The following CCDC27 variants were observed in gnomAD, a reference collection of about 807,000 sequenced individuals.
CCDC27 encodes coiled-coil domain containing 27, also known as coiled-coil domain-containing protein 27.
In CCDC27, 80 loss-of-function variants were observed where a neutral mutation model predicts 80.3. That is an observed-to-expected ratio of 1.00 (90% CI 0.83 to 1.20). The LOEUF (loss-of-function observed/expected upper bound fraction) is 1.20. Ranked by LOEUF, CCDC27 falls within the 50% of genes most tolerant of loss-of-function variation. CCDC27 has a pLI of 0.00. For missense variants in CCDC27, 815 were observed against 809.4 expected, an observed-to-expected ratio of 1.01 and a Z score of -0.08; for synonymous variants, 342 against 334.3, an observed-to-expected ratio of 1.02 and a Z score of -0.25.
At chr1:3,756,349 A>G (rs1353499657) in intron 3 of CCDC27, 2 of 159,724 alleles carry the variant, frequency 1.3e-5, no homozygotes, top group Non-Finnish European at 2.7e-5. Context: ...CAAAAAGAAA[A>G]AAAAAAAAAG....
intron 3 of CCDC27, chr1:3,755,783 C>T (rs1475585413): frequency 3.6e-6 from 2 of 549,366 alleles, no homozygotes; most frequent in Non-Finnish European, 3.3e-6. Flanking sequence ...ACCGTGGCCC[C>T]TTGTCTTTAG....
chr1:3,762,925 C>G (rs968840829), intron 6 of CCDC27, 183 bp from the exon 7 acceptor site: 1 of 840,792 alleles, frequency 1.2e-6, no homozygotes, highest in African/African-American at 1.7e-5. Flanking sequence ...GGACCCGTGA[C>G]AGAGGCCACA....
At chr1:3,759,832 C>T (rs1219110636) in intron 4 of CCDC27, among the ~76,000 whole-genome samples, 1 of 152,198 alleles carries the variant, frequency 6.6e-6, no homozygotes, top group Non-Finnish European at 1.5e-5. Context: ...ATAGGCTGAG[C>T]ATATCATTAG....
rs1276615842 is a variant in CCDC27, at chr1:3,762,596, G to C, written c.862-24G>C. On this transcript the variant is annotated intron_variant, in intron 5 of 11. Transcript: ENST00000294600. Reference sequence around the variant, plus strand: ...GTGCTGCAGGAGGGGCTGGAAAGCTGAGGGTCCCACGGGCGTCTTGCAGGA... The same window carrying C: ...GTGCTGCAGGAGGGGCTGGAAAGCTCAGGGTCCCACGGGCGTCTTGCAGGA... 3.2e-6 allele frequency: 5 copies of C among 1,547,368 alleles called. No homozygotes were observed. The Admixed American group carries it at 9.8e-5, about 30-fold the overall frequency.
In CCDC27 at chr1:3,752,557, T is replaced by C. The variant is rs1642846109; in HGVS notation, c.76T>C (p.Ser26Pro). 1 of 1,614,044 alleles carries C rather than the reference T, an allele frequency of 6.2e-7. No individual in the cohort carries two copies. The highest frequency in any genetic ancestry group is 8.5e-7 in the Non-Finnish European group (1 of 1,180,052). Residue 26 changes from serine to proline, a missense_variant, in exon 1 of 12, where the codon TCA becomes CCA. Ser to Pro is a moderately conservative substitution (Grantham distance 74). Transcript: ENST00000294600. ...TCCACGGGAAAAGCCGGGCCTGTCCTCATTCAGGTCCACATTCAGGCAACA... is the reference window on the plus strand; with the variant it reads ...TCCACGGGAAAAGCCGGGCCTGTCCCCATTCAGGTCCACATTCAGGCAACA... ...RDPREKPGLS[S>P]FRSTFRQQSS...
Position 3,768,182 on chromosome 1 carries a change from C to T in CCDC27, c.1743+737C>T, listed in dbSNP as rs942952603. 3.3e-5 allele frequency among the ~76,000 whole-genome samples: 5 copies of T among 150,568 alleles called. No homozygotes were observed. The highest frequency in any genetic ancestry group is 3.9e-4 in the East Asian group (2 of 5,068). ...TGATAACAGCTCACTGCAGCCTTGG[C>T]CTCCCAGGCTCAAGCTGTCGTCATC... is the stretch of plus-strand genomic sequence containing the variant. On this transcript the variant is annotated intron_variant, in intron 10 of 11. Transcript: ENST00000294600. This position sits in a 1 kb window ranked among gnomAD's most constrained non-coding sequence, Gnocchi z 5.6.
chr1:3,762,860 T>G (rs1643120842), intron 6 of CCDC27, 148 bp downstream of exon 6: 1 of 839,646 alleles, frequency 1.2e-6, no homozygotes, highest in African/African-American at 1.7e-5. Flanking sequence ...GTGAGGTGGG[T>G]GGGTCGTTAG....
At chr1:3,754,912 G>A (rs1439930046) in intron 2 of CCDC27, among the ~76,000 whole-genome samples, 1 of 152,174 alleles carries the variant, frequency 6.6e-6, no homozygotes, top group East Asian at 1.9e-4. Context: ...TAGAAGCAGG[G>A]CCCTCACCTT....
chr1:3,758,298 C>T (rs1018659212), intron 4 of CCDC27, among the ~76,000 whole-genome samples: 12 of 151,168 alleles, frequency 7.9e-5, no homozygotes, highest in Admixed American at 1.3e-4. Context: ...AAGCAATTCT[C>T]CTGCCTCAGC....
Position 3,752,676 on chromosome 1 carries a change from G to A in CCDC27, c.195G>A (p.Arg65=). ...RHSSMSSSMA[R]ALVLLQSMAS... Reference sequence around the variant, plus strand: ...GTTCGATGTCCAGCTCGATGGCCAGGGCCCTGGTGCTCCTCCAGAGCATGG... The same window carrying A: ...GTTCGATGTCCAGCTCGATGGCCAGAGCCCTGGTGCTCCTCCAGAGCATGG... Residue 65 remains arginine, a synonymous_variant, in exon 1 of 12, where the codon AGG becomes AGA. Coordinates refer to ENST00000294600, the MANE Select transcript of CCDC27 (RefSeq NM_152492.3). 6.2e-7 allele frequency: 1 copy of A among 1,614,002 alleles called. No homozygotes were observed. Among genetic ancestry groups the A allele is most frequent in the Non-Finnish European group, 8.5e-7 (1 of 1,180,014 alleles).
At chr1:3,756,938 C>T (rs201968265) in intron 4 of CCDC27, 48 bp downstream of exon 4, 15 of 1,573,510 alleles carry the variant, frequency 9.5e-6, no homozygotes, top group East Asian at 9.1e-5. Flanking sequence ...CCTCTCTCTG[C>T]GTCCGGCTGG....
rs1643058136 is a variant in CCDC27 at position 3,760,389 on chromosome 1, C to CT, written c.712-889dup. Among the ~76,000 whole-genome samples, 1 of 152,134 alleles carries CT rather than the reference C, an allele frequency of 6.6e-6. No individual in the cohort carries two copies. Among genetic ancestry groups the CT allele is most frequent in the South Asian group, 2.1e-4 (1 of 4,828 alleles). On this transcript the variant is annotated intron_variant, in intron 4 of 11. Coordinates refer to ENST00000294600, the MANE Select transcript of CCDC27 (RefSeq NM_152492.3). This position sits in a 1 kb window ranked among gnomAD's most constrained non-coding sequence, Gnocchi z 4.3. ...CTATATCATAAATTTTCACACCTAT[C>CT]TTTATTCCTTTTCTTCTACTTTCTG...
intron 1 of CCDC27, 42 bp from the exon 2 acceptor site, chr1:3,754,076 C>T (rs768891098): frequency 9.3e-6 from 15 of 1,604,314 alleles, no homozygotes; most frequent in Non-Finnish European, 7.7e-6. Context: ...GGCCTACAGT[C>T]AGGGGCCTTC....
chr1:3,752,659 T>C lies in CCDC27; in HGVS notation c.178T>C (p.Ser60Pro), dbSNP rs1642850069. Reference protein sequence around the residue: ...ASPSQRHSSMSSSMARALVLL... With the variant: ...ASPSQRHSSMPSSMARALVLL... ...CCCATCTCAGAGGCACAGTTCGATGTCCAGCTCGATGGCCAGGGCCCTGGT... is the reference window on the plus strand; with the variant it reads ...CCCATCTCAGAGGCACAGTTCGATGCCCAGCTCGATGGCCAGGGCCCTGGT... The change falls in exon 1 of 12, where the codon TCC (serine) becomes CCC (proline). Residue 60 changes from serine (S) to proline (P), a missense_variant. Transcript: ENST00000294600. The C allele has an allele frequency of 3.1e-6, 5 of 1,614,066 alleles. No homozygotes were observed. In the East Asian group the frequency reaches 8.9e-5, roughly 29 times the overall value.
At position 3,763,762 on chromosome 1, in the gene CCDC27, ATC is replaced by A; in HGVS notation, c.1379_1380del (p.Ile460LysfsTer5). The A allele has an allele frequency of 6.2e-7, 1 of 1,614,140 alleles. No homozygotes were observed. Among genetic ancestry groups the A allele is most frequent in the Non-Finnish European group, 8.5e-7 (1 of 1,179,988 alleles). Reference sequence around the variant, plus strand: ...TTTCCAAGAAACCCAGCTGCGAAAGATCAATACGGAAAATGAGACGCTGCAGA... The same window carrying A: ...TTTCCAAGAAACCCAGCTGCGAAAGAAATACGGAAAATGAGACGCTGCAGA... ...VDFQETQLRK[I>X]NTENETLQKE... On this transcript the variant is annotated frameshift_variant, in exon 8 of 12. Transcript: ENST00000294600. LOFTEE classifies it high-confidence loss of function. The surrounding 1 kb of genome is among the most constrained non-coding windows in gnomAD (Gnocchi z 7.5).
rs968747410 is a variant in CCDC27, at chr1:3,771,600, C to G, written c.*77C>G. The G allele has an allele frequency of 3.3e-6, 5 of 1,494,782 alleles. No homozygotes were observed. In the East Asian group the frequency reaches 1.1e-4, roughly 34 times the overall value. The allele number at this position is 1,494,782 out of a possible 1,614,324, so 92.6% of individuals were successfully genotyped here. On this transcript the variant is annotated 3_prime_UTR_variant, in exon 12 of 12. Coordinates refer to ENST00000294600, the MANE Select transcript of CCDC27 (RefSeq NM_152492.3). Reference sequence around the variant, plus strand: ...TCCAGAACCACCCGCCCCCACCATGCGTCCTGCTCTCAGACTCAGAATTAA... The same window carrying G: ...TCCAGAACCACCCGCCCCCACCATGGGTCCTGCTCTCAGACTCAGAATTAA...
chr1:3,760,878 C>T lies in CCDC27; in HGVS notation c.712-403C>T, dbSNP rs532940367. 5.3e-5 allele frequency among the ~76,000 whole-genome samples: 8 copies of T among 152,308 alleles called. No homozygotes were observed. Among genetic ancestry groups the T allele is most frequent in the African/African-American group, 1.9e-4 (8 of 41,554 alleles). On this transcript the variant is annotated intron_variant, in intron 4 of 11. Coordinates refer to ENST00000294600, the MANE Select transcript of CCDC27 (RefSeq NM_152492.3). The surrounding 1 kb of genome is among the most constrained non-coding windows in gnomAD (Gnocchi z 4.3). ...AACAAAAGTTTGAGGAGCTCCCCGA[C>T]AGGCCCCTAGGGAAGCTTGGAGGGT...
chr1:3,763,616 C>T lies in CCDC27; in HGVS notation c.1322-90C>T. ...GCAGCCTCACCCAGGCTGGCAGAGCCCTCCCAGCTGCCGCAGTGGCCCGGC... is the reference window on the plus strand; with the variant it reads ...GCAGCCTCACCCAGGCTGGCAGAGCTCTCCCAGCTGCCGCAGTGGCCCGGC... On this transcript the variant is annotated intron_variant, in intron 7 of 11. Transcript: ENST00000294600. The surrounding 1 kb of genome is among the most constrained non-coding windows in gnomAD (Gnocchi z 7.5). 1 of 1,577,850 alleles carries T rather than the reference C, an allele frequency of 6.3e-7. No homozygotes were observed.
At position 3,760,745 on chromosome 1, in the gene CCDC27, C is replaced by T. The variant is rs1306339625; in HGVS notation, c.712-536C>T. Among the ~76,000 whole-genome samples, 1 of 152,196 alleles carries T rather than the reference C, an allele frequency of 6.6e-6. No homozygotes were observed. Among genetic ancestry groups the T allele is most frequent in the Non-Finnish European group, 1.5e-5 (1 of 68,046 alleles). ...ACCTGAAGAACTCCCTTTAGTATTTCTCTAAGTTCAGATCTGCTGGTCACA... is the reference window on the plus strand; with the variant it reads ...ACCTGAAGAACTCCCTTTAGTATTTTTCTAAGTTCAGATCTGCTGGTCACA... On this transcript the variant is annotated intron_variant, in intron 4 of 11. Coordinates refer to ENST00000294600, the MANE Select transcript of CCDC27 (RefSeq NM_152492.3). The surrounding 1 kb of genome is among the most constrained non-coding windows in gnomAD (Gnocchi z 4.3).
Sources: allele counts gnomAD v4.1 joint callset (sites outside exome capture counted in the v4.1 genomes callset), GRCh38; gene constraint gnomAD v4.1.1; non-coding constraint Gnocchi (gnomAD v3.1); transcripts MANE v1.5; gene names NCBI Gene and HGNC (gene_info 2026-07-23, HGNC 2026-07-21).